Variants in PATJ observed in about 807,000 individuals in gnomAD.
PATJ encodes inaD-like protein.
Under a neutral mutation model 224.9 loss-of-function variants are expected in PATJ, and 190 were observed. The ratio of observed to expected loss-of-function variants is 0.84; its 90% CI spans 0.75 to 0.95. The LOEUF (loss-of-function observed/expected upper bound fraction) is 0.95, where lower values mean the gene tolerates loss of function less well. PATJ is among the 40% of genes least tolerant of loss of function. PATJ has a pLI of 0.00. For missense variants in PATJ, 2,121 were observed against 2,270.3 expected (o/e 0.93, Z 1.34); for synonymous variants, 769 against 820.3 (o/e 0.94, Z 1.07).
intron 41 of PATJ, among the ~76,000 whole-genome samples, chr1:62,143,157 A>T (rs1667667347): frequency 6.6e-6 from 1 of 152,054 alleles, no homozygotes; most frequent in Admixed American, 6.6e-5. Context: ...GGGATCAGAT[A>T]TTCAGAGAGC....
At chr1:61,907,246 A>G (rs1023572725) in intron 24 of PATJ, among the ~76,000 whole-genome samples, 1 of 152,186 alleles carries the variant, frequency 6.6e-6, no homozygotes, top group Non-Finnish European at 1.5e-5. Flanking sequence ...AAAGTAATAC[A>G]ACAGGTAACT....
At chr1:61,950,240 C>T (rs1267619978) in intron 27 of PATJ, among the ~76,000 whole-genome samples, 4 of 152,110 alleles carry the variant, frequency 2.6e-5, no homozygotes, top group Non-Finnish European at 5.9e-5. Flanking sequence ...GTATAGTAAT[C>T]AACAGCAACG....
At chr1:61,792,059 A>G (rs1047325138) in intron 9 of PATJ, among the ~76,000 whole-genome samples, 2 of 152,178 alleles carry the variant, frequency 1.3e-5, no homozygotes, top group Non-Finnish European at 2.9e-5. Context: ...TTTGCTAATA[A>G]TATGAAAATT....
At chr1:61,794,346 T>G (rs1650577056) in intron 9 of PATJ, among the ~76,000 whole-genome samples, 1 of 152,000 alleles carries the variant, frequency 6.6e-6, no homozygotes. Context: ...CATCCCACTA[T>G]GTCACCCAGG....
At chr1:61,757,697 A>C (rs1435639757) in intron 1 of PATJ, among the ~76,000 whole-genome samples, 2 of 152,166 alleles carry the variant, frequency 1.3e-5, no homozygotes, top group African/African-American at 2.4e-5. Flanking sequence ...CCTAGTTTTT[A>C]AATTATAAAA....
intron 25 of PATJ, among the ~76,000 whole-genome samples, chr1:61,912,826 G>A (rs1672888584): frequency 6.6e-6 from 1 of 152,164 alleles, no homozygotes; most frequent in Admixed American, 6.5e-5. Flanking sequence ...GGAGAAAGTA[G>A]TAGTGTGGGC....
At chr1:62,160,376 ATATATT>A (rs1171038726) in intron 43 of PATJ, among the ~76,000 whole-genome samples, 1 of 152,198 alleles carries the variant, frequency 6.6e-6, no homozygotes, top group Non-Finnish European at 1.5e-5. Context: ...CTACACTCGT[ATATATT>A]TATATGTAGA....
chr1:62,101,976 T>C (rs1662233236), intron 33 of PATJ, among the ~76,000 whole-genome samples: 1 of 152,124 alleles, frequency 6.6e-6, no homozygotes, highest in African/African-American at 2.4e-5. Flanking sequence ...CCAAGGAGTT[T>C]GAGACCAGCC....
Position 62,122,363 on chromosome 1 carries a change from TAA to T in PATJ, c.5006-637_5006-636del, listed in dbSNP as rs58555932. ...CTGGGCGACAGAGTGAGACTCCATC[TAA>T]AAAAAAAAAAAAAAAAAAAACCACA... On this transcript the variant is annotated intron_variant, in intron 38 of 43. Coordinates refer to ENST00000642238, the MANE Select transcript of PATJ (RefSeq NM_001350145.3). 6.1e-3 allele frequency among the ~76,000 whole-genome samples: 496 copies of T among 81,534 alleles called. 13 individuals carry two copies. In the East Asian group the frequency reaches 0.12, roughly 19 times the overall value. The allele number at this position is 81,534 out of a possible 152,430, so 53.5% of individuals were successfully genotyped here. A position where few individuals can be genotyped will look rare whatever the true frequency, so the allele number is the denominator to read the frequency against.
chr1:62,108,040 C>G (rs1174769611), intron 33 of PATJ, among the ~76,000 whole-genome samples: 1 of 152,162 alleles, frequency 6.6e-6, no homozygotes, highest in Non-Finnish European at 1.5e-5. Context: ...CCTGGCAAAA[C>G]CTCCTTCATC....
intron 28 of PATJ, among the ~76,000 whole-genome samples, chr1:61,997,654 G>A (rs1275157083): frequency 2.0e-5 from 3 of 152,046 alleles, no homozygotes; most frequent in South Asian, 4.2e-4. Flanking sequence ...ATTCATTACC[G>A]TTTTGTATTA....
chr1:62,104,438 T>C (rs1206181479), intron 33 of PATJ, among the ~76,000 whole-genome samples: 1 of 152,178 alleles, frequency 6.6e-6, no homozygotes, highest in East Asian at 1.9e-4. Context: ...CCCACATTTC[T>C]AATTTAGCTC....
chr1:61,856,285 A>C (rs1248837087), intron 18 of PATJ, 46 bp downstream of exon 18: 2 of 1,474,150 alleles, frequency 1.4e-6, no homozygotes, highest in East Asian at 4.5e-5. Flanking sequence ...ATAGTGCAAC[A>C]GTTAAAAACA....
chr1:61,856,240 G>A lies in PATJ; in HGVS notation c.2322+1G>A, dbSNP rs1663640674. Reference sequence around the variant, plus strand: ...CCTTGGCATCTGTAAGCCTTTGGTGGTAAGTGTTGTATTTTGTTAATATAG... The same window carrying A: ...CCTTGGCATCTGTAAGCCTTTGGTGATAAGTGTTGTATTTTGTTAATATAG... On this transcript the variant is annotated splice_donor_variant, in intron 18 of 43. Coordinates refer to ENST00000642238, the MANE Select transcript of PATJ (RefSeq NM_001350145.3). LOFTEE classifies it high-confidence loss of function. 1.2e-6 allele frequency: 2 copies of A among 1,610,658 alleles called. No homozygotes were observed. The highest frequency in any genetic ancestry group is 2.2e-5 in the South Asian group (2 of 91,018).
At chr1:62,014,822 C>T (rs1646675032) in intron 28 of PATJ, among the ~76,000 whole-genome samples, 1 of 152,046 alleles carries the variant, frequency 6.6e-6, no homozygotes, top group African/African-American at 2.4e-5. Flanking sequence ...CAGCCTCAGC[C>T]TCGCAAAGTG....
At chr1:61,782,696 G>A (rs1239639949) in intron 7 of PATJ, among the ~76,000 whole-genome samples, 1 of 152,094 alleles carries the variant, frequency 6.6e-6, no homozygotes, top group Admixed American at 6.6e-5. Flanking sequence ...TAGCTAAAAG[G>A]CCTATCTCCC....
intron 29 of PATJ, among the ~76,000 whole-genome samples, chr1:62,025,316 C>T (rs367693755): frequency 4.6e-5 from 7 of 152,234 alleles, no homozygotes; most frequent in Admixed American, 1.3e-4. Flanking sequence ...ATTGCCAAAC[C>T]GTTGCTGGCT....
Position 61,844,283 on chromosome 1 carries a change from T to G in PATJ, c.2112+10498T>G, listed in dbSNP as rs1044472262. 5.3e-5 allele frequency among the ~76,000 whole-genome samples: 8 copies of G among 152,356 alleles called. No homozygotes were observed. The South Asian group carries it at 6.2e-4, about 12-fold the overall frequency. On this transcript the variant is annotated intron_variant, in intron 17 of 43. Coordinates refer to ENST00000642238, the MANE Select transcript of PATJ (RefSeq NM_001350145.3). ...AGTGAATAACCCAGAATTAATAAGT[T>G]AGTCCTGATTTCATGTTTTTATTTT... is the stretch of plus-strand genomic sequence containing the variant.
In PATJ at chr1:61,901,453, A is replaced by T. The variant is rs1671140369; in HGVS notation, c.3375A>T (p.Ile1125=). 6.3e-7 allele frequency: 1 copy of T among 1,577,354 alleles called. No homozygotes were observed. Among genetic ancestry groups the T allele is most frequent in the Non-Finnish European group, 8.6e-7 (1 of 1,166,094 alleles). The stretch of plus-strand genomic sequence containing the variant: ...ACGCACTTAAAACTGGAGATAAAAT[A>T]CTTGAGGTAAATGATGTTAAAGTAC... ...KTNALKTGDK[I]LEVSGVDLQN... The change falls in exon 24 of 44, where the codon ATA becomes ATT. Residue 1125 remains isoleucine, a synonymous_variant. Transcript: ENST00000642238.
Sources: gnomAD v4.1 joint callset for allele counts (sites outside exome capture counted in the v4.1 genomes callset) on GRCh38, gnomAD v4.1.1 for gene constraint, MANE v1.5 for transcripts, NCBI Gene and HGNC (gene_info 2026-07-23, HGNC 2026-07-21) for gene names.